The following SLC24A2 variants were observed in gnomAD, a reference collection of about 807,000 sequenced individuals.
SLC24A2 encodes the protein solute carrier family 24 member 2.
SLC24A2 carries 36 observed loss-of-function variants against 62.0 expected under a neutral mutation model. That is an observed-to-expected ratio of 0.58 (90% CI 0.44 to 0.77). The LOEUF is 0.77. SLC24A2 is among the 30% of genes least tolerant of loss of function. The probability of loss-of-function intolerance (pLI) is 0.00; values close to 1 mark genes in which losing one functional copy is unlikely to be tolerated. For synonymous variants in SLC24A2, 358 were observed against 294.0 expected (o/e 1.22, Z -2.23); for missense variants, 846 against 817.9 (o/e 1.03, Z -0.42).
At chr9:19,520,830 C>G in intron 10 of SLC24A2, 64 bp downstream of exon 10, 1 of 1,510,506 alleles carries the variant, frequency 6.6e-7, no homozygotes, top group Non-Finnish European at 9.2e-7. Context: ...GTCTTTCCAG[C>G]TTCTAAGAAG....
At chr9:20,111,015 T>C in the SLC24A2 span, among the ~76,000 whole-genome samples, 2 of 152,294 alleles carry the variant, frequency 1.3e-5, no homozygotes, top group East Asian at 3.9e-4. Context: ...TGAAATATGG[T>C]AGATATGTTT....
chr9:20,058,078 G>A, the SLC24A2 span, among the ~76,000 whole-genome samples: 2 of 152,172 alleles, frequency 1.3e-5, no homozygotes, highest in Non-Finnish European at 2.9e-5. Context: ...TCACTGGTCA[G>A]AAACTTCCTG....
chr9:20,193,746 T>A, the SLC24A2 span, among the ~76,000 whole-genome samples: 36 of 152,228 alleles, frequency 2.4e-4, no homozygotes, highest in African/African-American at 7.5e-4. Context: ...CACTAAGTTC[T>A]TAAACAGAAT....
At chr9:19,551,401 G>A (rs192397683) in intron 7 of SLC24A2, among the ~76,000 whole-genome samples, 4 of 152,304 alleles carry the variant, frequency 2.6e-5, no homozygotes, top group Admixed American at 1.3e-4. Context: ...TAGAAGAGAT[G>A]GAGGGGGAGG....
the SLC24A2 span, among the ~76,000 whole-genome samples, chr9:20,240,768 C>G: frequency 6.6e-6 from 1 of 152,030 alleles, no homozygotes; most frequent in African/African-American, 2.4e-5. Context: ...AGGAAAATTC[C>G]AGGAAGAGGG....
chr9:19,954,974 G>A, the SLC24A2 span, among the ~76,000 whole-genome samples: 2 of 142,092 alleles, frequency 1.4e-5, no homozygotes, highest in Non-Finnish European at 3.2e-5. Context: ...AAAAAGAGGA[G>A]GCTGCCATTT....
At chr9:20,104,451 A>T in the SLC24A2 span, among the ~76,000 whole-genome samples, 1 of 152,228 alleles carries the variant, frequency 6.6e-6, no homozygotes, top group African/African-American at 2.4e-5. Context: ...GTCAGAGAGA[A>T]AGGTCGGGTT....
chr9:19,722,583 T>G (rs1023721887), intron 2 of SLC24A2, among the ~76,000 whole-genome samples: 4 of 151,986 alleles, frequency 2.6e-5, no homozygotes, highest in Non-Finnish European at 5.9e-5. Context: ...AAGAACCAGT[T>G]AATAATGTTA....
intron 5 of SLC24A2, among the ~76,000 whole-genome samples, chr9:19,580,988 G>C (rs1183258945): frequency 6.6e-6 from 1 of 152,132 alleles, no homozygotes; most frequent in Non-Finnish European, 1.5e-5. Flanking sequence ...TGTGTAAAGG[G>C]CTTATCACAT....
chr9:20,210,796 G>A, the SLC24A2 span, among the ~76,000 whole-genome samples: 1 of 150,140 alleles, frequency 6.7e-6, no homozygotes, highest in Non-Finnish European at 1.5e-5. Flanking sequence ...GAGCCACCGC[G>A]CCCGGCCACA....
chr9:20,057,161 A>G, the SLC24A2 span, among the ~76,000 whole-genome samples: 1 of 152,180 alleles, frequency 6.6e-6, no homozygotes, highest in Non-Finnish European at 1.5e-5. Flanking sequence ...GGGCCAGAAG[A>G]TTCATATTCT....
At chr9:19,727,840 T>C (rs1180926219) in intron 2 of SLC24A2, among the ~76,000 whole-genome samples, 1 of 152,128 alleles carries the variant, frequency 6.6e-6, no homozygotes, top group Admixed American at 6.6e-5. Context: ...CTTTTGAAAA[T>C]CAGAAACTAC....
At chr9:20,170,918 A>G in the SLC24A2 span, among the ~76,000 whole-genome samples, 2 of 152,036 alleles carry the variant, frequency 1.3e-5, no homozygotes, top group Non-Finnish European at 2.9e-5. Flanking sequence ...CATTGTCATC[A>G]GGTTATCTAA....
At chr9:19,691,700 T>C (rs191155375) in intron 2 of SLC24A2, among the ~76,000 whole-genome samples, 4 of 152,282 alleles carry the variant, frequency 2.6e-5, no homozygotes, top group African/African-American at 9.6e-5. Flanking sequence ...AAAATAAGCA[T>C]ATAATCATTA....
At chr9:20,212,632 C>T in the SLC24A2 span, among the ~76,000 whole-genome samples, 5 of 151,170 alleles carry the variant, frequency 3.3e-5, no homozygotes, top group East Asian at 5.8e-4. Flanking sequence ...AGATCAATAA[C>T]GCCAGGGATA....
chr9:19,735,452 T>C (rs1177089772), intron 2 of SLC24A2, among the ~76,000 whole-genome samples: 1 of 152,066 alleles, frequency 6.6e-6, no homozygotes, highest in Admixed American at 6.6e-5. Context: ...AGTGTGGCGA[T>C]TCCTCAGGGA....
chr9:20,140,696 C>T, the SLC24A2 span, among the ~76,000 whole-genome samples: 2 of 152,254 alleles, frequency 1.3e-5, no homozygotes, highest in South Asian at 4.2e-4. Context: ...CTGAGCCATC[C>T]CATGATAATG....
chr9:20,276,771 T>C, the SLC24A2 span, among the ~76,000 whole-genome samples: 30 of 152,216 alleles, frequency 2.0e-4, no homozygotes, highest in African/African-American at 6.8e-4. Flanking sequence ...CAAACCTCAG[T>C]GCTTGACTTC....
the SLC24A2 span, among the ~76,000 whole-genome samples, chr9:20,263,869 C>CA: frequency 1.3e-4 from 15 of 116,968 alleles, no homozygotes; most frequent in East Asian, 1.8e-3. Context: ...CCGCCCCCCC[C>CA]CCCCCATTAA....
Sources: allele counts gnomAD v4.1 joint callset (sites outside exome capture counted in the v4.1 genomes callset), GRCh38; gene constraint gnomAD v4.1.1; transcripts MANE v1.5; gene names NCBI Gene and HGNC (gene_info 2026-07-23, HGNC 2026-07-21).